ITK: variants seen among roughly 807,000 people sequenced by gnomAD.
ITK encodes IL2 inducible T cell kinase, also known as tyrosine-protein kinase ITK/TSK.
In ITK, 45 loss-of-function variants were observed where a neutral mutation model predicts 87.6. The ratio of observed to expected loss-of-function variants is 0.51; its 90% CI spans 0.40 to 0.66. The LOEUF (loss-of-function observed/expected upper bound fraction) is 0.66, where lower values mean the gene tolerates loss of function less well. ITK is among the 30% of genes least tolerant of loss of function. The probability of loss-of-function intolerance (pLI) is 0.00; values close to 1 mark genes in which losing one functional copy is unlikely to be tolerated. For missense variants in ITK, 605 were observed against 766.3 expected, an observed-to-expected ratio of 0.79 and a Z score of 2.48; for synonymous variants, 303 against 273.6, an observed-to-expected ratio of 1.11 and a Z score of -1.06.
intron 13 of ITK, 23 bp downstream of exon 13, chr5:157,244,501 C>A: frequency 7.4e-7 from 1 of 1,346,568 alleles, no homozygotes; most frequent in Non-Finnish European, 1.1e-6. Flanking sequence ...AGGGTGAACA[C>A]CCACAGGTCC....
chr5:157,229,341 C>T (rs996794064), intron 7 of ITK, among the ~76,000 whole-genome samples: 2 of 152,116 alleles, frequency 1.3e-5, no homozygotes, highest in Non-Finnish European at 2.9e-5. Flanking sequence ...AACTAGCAGG[C>T]CCGTCTGAAA....
intron 6 of ITK, among the ~76,000 whole-genome samples, chr5:157,225,263 T>G (rs1279365636): frequency 1.3e-5 from 2 of 152,140 alleles, no homozygotes; most frequent in African/African-American, 4.8e-5. Context: ...CCAAAGTAGT[T>G]GGGATTACAG....
chr5:157,189,031 A>T (rs141911830), intron 1 of ITK, among the ~76,000 whole-genome samples: 5 of 152,208 alleles, frequency 3.3e-5, no homozygotes, highest in African/African-American at 1.2e-4. Flanking sequence ...AGGTCACATA[A>T]CTCATGTTGC....
intron 11 of ITK, 95 bp downstream of exon 11, chr5:157,241,815 A>G: frequency 1.2e-6 from 1 of 812,694 alleles, no homozygotes; most frequent in East Asian, 2.5e-5. Context: ...TCCTCAGACT[A>G]CAAATCACCA....
rs1754193018 is a variant in ITK at position 157,211,552 on chromosome 5, G to A, written c.325+184G>A. 7 of 626,856 alleles carry A rather than the reference G, an allele frequency of 1.1e-5. No individual in the cohort carries two copies. In the Admixed American group the frequency reaches 1.7e-4, roughly 15 times the overall value. The allele number at this position is 626,856 out of a possible 1,614,324, so 38.8% of individuals were successfully genotyped here. A position where few individuals can be genotyped will look rare whatever the true frequency, so the allele number is the denominator to read the frequency against. On this transcript the variant is annotated intron_variant, in intron 3 of 16. Coordinates refer to ENST00000422843, the MANE Select transcript of ITK (RefSeq NM_005546.4). ...CAATAACTGGTATCATTCAGGGATT[G>A]ACCAAATCCAGCCTGCTGTCTGTTC...
chr5:157,231,214 A>T (rs527510646), intron 7 of ITK, among the ~76,000 whole-genome samples: 1 of 152,318 alleles, frequency 6.6e-6, no homozygotes, highest in East Asian at 1.9e-4. Context: ...TCCCTTCTCC[A>T]TAAAATGAAT....
chr5:157,200,986 A>G (rs1414634001), intron 1 of ITK, among the ~76,000 whole-genome samples: 1 of 152,234 alleles, frequency 6.6e-6, no homozygotes, highest in Non-Finnish European at 1.5e-5. Flanking sequence ...TTGTGTGGAT[A>G]ACAATTTTTT....
chr5:157,218,200 G>A (rs1754338726), intron 5 of ITK, among the ~76,000 whole-genome samples: 1 of 152,102 alleles, frequency 6.6e-6, no homozygotes, highest in Admixed American at 6.5e-5. Context: ...GAGTATAGTA[G>A]CAGCTCACTC....
intron 8 of ITK, 48 bp downstream of exon 8, chr5:157,232,442 T>C: frequency 7.5e-7 from 1 of 1,337,852 alleles, no homozygotes; most frequent in Non-Finnish European, 1.1e-6. Context: ...ATGAATTAAG[T>C]GCACTGTCTC....
At position 157,252,921 on chromosome 5, in the gene ITK, T is replaced by G. The variant is rs1755172507; in HGVS notation, c.*243T>G. 55 of 555,084 alleles carry G rather than the reference T, an allele frequency of 9.9e-5. No individual in the cohort carries two copies. In the South Asian group the frequency reaches 1.0e-3, roughly 11 times the overall value. The allele number at this position is 555,084 out of a possible 1,614,324, so 34.4% of individuals were successfully genotyped here. A position where few individuals can be genotyped will look rare whatever the true frequency, so the allele number is the denominator to read the frequency against. On this transcript the variant is annotated 3_prime_UTR_variant, in exon 17 of 17. Transcript: ENST00000422843. Reference sequence around the variant, plus strand: ...AGAACAGGAGTGATGTCTCTGCCCTTCCTCTAGCCTCTTGTCACATGTGGT... The same window carrying G: ...AGAACAGGAGTGATGTCTCTGCCCTGCCTCTAGCCTCTTGTCACATGTGGT...
chr5:157,211,145 G>T, intron 2 of ITK, 142 bp from the exon 3 acceptor site: 1 of 719,342 alleles, frequency 1.4e-6, no homozygotes, highest in Admixed American at 2.0e-5. Context: ...TGGATAAAAA[G>T]GATACTGGCC....
intron 9 of ITK, 27 bp from the exon 10 acceptor site, chr5:157,240,035 A>T (rs375588054): frequency 8.7e-6 from 14 of 1,607,260 alleles, no homozygotes; most frequent in South Asian, 7.7e-5. Context: ...CTTAATAATC[A>T]TTACATTTGT....
At chr5:157,239,547 C>T (rs1007526760) in intron 9 of ITK, among the ~76,000 whole-genome samples, 1 of 152,124 alleles carries the variant, frequency 6.6e-6, no homozygotes, top group Non-Finnish European at 1.5e-5. Context: ...AGGTACAGCT[C>T]GCCACCCTTA....
chr5:157,220,119 T>C (rs149500489), intron 5 of ITK, among the ~76,000 whole-genome samples: 7 of 152,284 alleles, frequency 4.6e-5, no homozygotes, highest in Non-Finnish European at 8.8e-5. Context: ...GAGAAACTGT[T>C]TTTAATCCAG....
At chr5:157,217,008 C>T (rs1337016596) in intron 4 of ITK, among the ~76,000 whole-genome samples, 1 of 152,122 alleles carries the variant, frequency 6.6e-6, no homozygotes, top group Non-Finnish European at 1.5e-5. Flanking sequence ...CCATTCTCTT[C>T]CCATCTCTCG....
rs1323257703 is a variant in ITK at position 157,253,765 on chromosome 5, G to T, written c.*1087G>T. On this transcript the variant is annotated 3_prime_UTR_variant, in exon 17 of 17. Transcript: ENST00000422843. The stretch of plus-strand genomic sequence containing the variant: ...CTCCAAGTCTCCTAAAATTCTAGGA[G>T]AGAAATAAAGAGTCTGTTTTTGCTC... 4.6e-6 allele frequency: 1 copy of T among 216,576 alleles called. No homozygotes were observed. The highest frequency in any genetic ancestry group is 9.3e-6 in the Non-Finnish European group (1 of 107,590). 13.4% of individuals were successfully genotyped at this position (216,576 alleles called of 1,614,324 possible). A position where few individuals can be genotyped will look rare whatever the true frequency, so the allele number is the denominator to read the frequency against.
At chr5:157,209,610 C>A (rs1754148336) in intron 2 of ITK, among the ~76,000 whole-genome samples, 3 of 152,026 alleles carry the variant, frequency 2.0e-5, no homozygotes, top group African/African-American at 4.8e-5. Context: ...CTATCAGCGG[C>A]CTGAAACCTA....
intron 5 of ITK, among the ~76,000 whole-genome samples, chr5:157,218,429 C>G (rs142691096): frequency 4.9e-4 from 74 of 151,670 alleles, no homozygotes; most frequent in Non-Finnish European, 8.5e-4. Flanking sequence ...ATCACTTACT[C>G]CCAGGAGGTC....
At chr5:157,203,838 A>T (rs1327771170) in intron 1 of ITK, among the ~76,000 whole-genome samples, 2 of 152,352 alleles carry the variant, frequency 1.3e-5, no homozygotes, top group African/African-American at 4.8e-5. Context: ...TTCTAGACTG[A>T]TATGTAGAGC....
Sources: gnomAD v4.1 joint callset for allele counts (sites outside exome capture counted in the v4.1 genomes callset) on GRCh38, gnomAD v4.1.1 for gene constraint, MANE v1.5 for transcripts, NCBI Gene and HGNC (gene_info 2026-07-23, HGNC 2026-07-21) for gene names.